The following ST6GALNAC5 variants were observed in gnomAD, a reference collection of about 807,000 sequenced individuals.
The protein encoded by ST6GALNAC5 is alpha-N-acetylgalactosaminide alpha-2,6-sialyltransferase 5.
In ST6GALNAC5, 27 loss-of-function variants were observed where a neutral mutation model predicts 33.6. The ratio of observed to expected loss-of-function variants is 0.80; its 90% confidence interval spans 0.59 to 1.11. The LOEUF (loss-of-function observed/expected upper bound fraction) is 1.11. ST6GALNAC5 is among the 50% of genes least tolerant of loss of function. ST6GALNAC5 has a pLI of 0.00. For synonymous variants in ST6GALNAC5, 194 were observed against 171.2 expected (o/e 1.13, Z -1.04); for missense variants, 428 against 454.0 (o/e 0.94, Z 0.52).
At chr1:76,911,055 T>A (rs777218510) in intron 2 of ST6GALNAC5, among the ~76,000 whole-genome samples, 5 of 152,112 alleles carry the variant, frequency 3.3e-5, no homozygotes, top group Non-Finnish European at 5.9e-5. Flanking sequence ...AGACAGAACA[T>A]ACACTCAGGA....
rs1196599258 is a variant in ST6GALNAC5 at position 76,938,693 on chromosome 1, G to T, written c.261+69951G>T. ...ATCTCTACTGTAGTAGTTTCTACCA[G>T]AAGACATCTACAGATAATGCAATTC... On this transcript the variant is annotated intron_variant, in intron 2 of 4. Transcript: ENST00000477717. Among the ~76,000 whole-genome samples, 6 of 152,066 alleles carry T rather than the reference G, an allele frequency of 3.9e-5. No homozygotes were observed. In the East Asian group the frequency reaches 1.2e-3, roughly 29 times the overall value.
intron 2 of ST6GALNAC5, among the ~76,000 whole-genome samples, chr1:76,910,931 G>A (rs887160992): frequency 6.6e-6 from 1 of 151,698 alleles, no homozygotes; most frequent in Non-Finnish European, 1.5e-5. Flanking sequence ...AATTGTAGAT[G>A]ATAAAAATGA....
intron 2 of ST6GALNAC5, among the ~76,000 whole-genome samples, chr1:76,935,282 G>C (rs1647189235): frequency 6.6e-6 from 1 of 152,176 alleles, no homozygotes; most frequent in Admixed American, 6.6e-5. Flanking sequence ...TAAAAGGAAA[G>C]TAATACAATG....
intron 2 of ST6GALNAC5, among the ~76,000 whole-genome samples, chr1:76,872,344 GA>G (rs1320146757): frequency 6.6e-6 from 1 of 152,108 alleles, no homozygotes; most frequent in Non-Finnish European, 1.5e-5. Flanking sequence ...GCCCTTTACT[GA>G]AATGGCTTAT....
chr1:76,930,596 G>A (rs1423708900), intron 2 of ST6GALNAC5, among the ~76,000 whole-genome samples: 1 of 152,102 alleles, frequency 6.6e-6, no homozygotes, highest in Non-Finnish European at 1.5e-5. Flanking sequence ...GGCTTTTTGG[G>A]AGAATGATTC....
intron 2 of ST6GALNAC5, among the ~76,000 whole-genome samples, chr1:76,926,235 A>T (rs1647084374): frequency 6.6e-6 from 1 of 152,236 alleles, no homozygotes; most frequent in African/African-American, 2.4e-5. Context: ...GAAGTCACTT[A>T]TAATTCCACT....
chr1:77,058,206 C>T (rs527963837), intron 4 of ST6GALNAC5, among the ~76,000 whole-genome samples: 1 of 152,296 alleles, frequency 6.6e-6, no homozygotes, highest in Admixed American at 6.5e-5. Flanking sequence ...ACCTTGGCTG[C>T]GAAACTTCAG....
At chr1:76,970,319 A>G (rs1006540486) in intron 2 of ST6GALNAC5, among the ~76,000 whole-genome samples, 2 of 151,946 alleles carry the variant, frequency 1.3e-5, no homozygotes, top group Non-Finnish European at 2.9e-5. Context: ...AAAAGATTAG[A>G]TGAATGGCTA....
intron 2 of ST6GALNAC5, among the ~76,000 whole-genome samples, chr1:77,024,106 T>C (rs1651149205): frequency 6.6e-6 from 1 of 152,194 alleles, no homozygotes; most frequent in Non-Finnish European, 1.5e-5. Flanking sequence ...GCTTGGGAGC[T>C]TCCCAGAAGC....
At chr1:77,057,222 G>T (rs1413007371) in intron 4 of ST6GALNAC5, among the ~76,000 whole-genome samples, 1 of 152,176 alleles carries the variant, frequency 6.6e-6, no homozygotes, top group Non-Finnish European at 1.5e-5. Context: ...GATATTTGCA[G>T]CCTTCTGCAT....
At chr1:76,929,999 G>C (rs1647124106) in intron 2 of ST6GALNAC5, among the ~76,000 whole-genome samples, 1 of 152,076 alleles carries the variant, frequency 6.6e-6, no homozygotes, top group African/African-American at 2.4e-5. Flanking sequence ...TCATATTTTT[G>C]TGGGATTACA....
chr1:76,979,697 C>T (rs140350551), intron 2 of ST6GALNAC5, among the ~76,000 whole-genome samples: 25 of 152,282 alleles, frequency 1.6e-4, no homozygotes, highest in Middle Eastern at 3.4e-3. Context: ...GAGGCCAAGG[C>T]GGGCAGATCA....
chr1:77,063,284 A>C lies in ST6GALNAC5; in HGVS notation c.*78A>C. 7.5e-7 allele frequency: 1 copy of C among 1,341,060 alleles called. No homozygotes were observed. The highest frequency in any genetic ancestry group is 1.1e-6 in the Non-Finnish European group (1 of 951,418). The allele number at this position is 1,341,060 out of a possible 1,614,324, so 83.1% of individuals were successfully genotyped here. A position where few individuals can be genotyped will look rare whatever the true frequency, so the allele number is the denominator to read the frequency against. On this transcript the variant is annotated 3_prime_UTR_variant, in exon 5 of 5. Transcript: ENST00000477717. ...GACACTGAACTTCCTGAGCCACCAG[A>C]CAGGAAAGGGTAGCAGAAAACAGCT...
At chr1:76,928,343 C>G (rs1647105038) in intron 2 of ST6GALNAC5, among the ~76,000 whole-genome samples, 1 of 152,090 alleles carries the variant, frequency 6.6e-6, no homozygotes, top group East Asian at 1.9e-4. Context: ...TTACGGTGTG[C>G]TGCACCAAAA....
In ST6GALNAC5 at chr1:77,057,905, AT is replaced by A. The variant is rs1652452935; in HGVS notation, c.780-5068del. ...CTTTAGAAGAGTCAAAAAGTGGAAC[AT>A]TACAAACCCCTGTTGCCATTAGCAC... On this transcript the variant is annotated intron_variant, in intron 4 of 4. Transcript: ENST00000477717. Among the ~76,000 whole-genome samples the A allele has an allele frequency of 2.0e-5, 3 of 152,200 alleles. 1 individual carries two copies. In the South Asian group the frequency reaches 6.2e-4, roughly 32 times the overall value.
At chr1:77,010,725 C>A (rs1395098419) in intron 2 of ST6GALNAC5, among the ~76,000 whole-genome samples, 1 of 152,106 alleles carries the variant, frequency 6.6e-6, no homozygotes, top group Non-Finnish European at 1.5e-5. Context: ...TCCAGGACAC[C>A]CCAACACTCT....
chr1:76,969,680 C>A (rs951940211), intron 2 of ST6GALNAC5, among the ~76,000 whole-genome samples: 1 of 152,182 alleles, frequency 6.6e-6, no homozygotes, highest in African/African-American at 2.4e-5. Context: ...CAGTGGTTCT[C>A]CCAGCATGGT....
intron 2 of ST6GALNAC5, among the ~76,000 whole-genome samples, chr1:76,910,395 T>C (rs1170767132): frequency 6.6e-6 from 1 of 151,934 alleles, no homozygotes; most frequent in African/African-American, 2.4e-5. Context: ...TTGAAAAAAA[T>C]AAAAGCGAAG....
intron 2 of ST6GALNAC5, among the ~76,000 whole-genome samples, chr1:76,906,063 G>C (rs1172264960): frequency 6.6e-6 from 1 of 152,154 alleles, no homozygotes; most frequent in Non-Finnish European, 1.5e-5. Flanking sequence ...TTCGGAGGAA[G>C]AAAAGCCATA....
Sources: allele counts gnomAD v4.1 joint callset (sites outside exome capture counted in the v4.1 genomes callset), GRCh38; gene constraint gnomAD v4.1.1; transcripts MANE v1.5; gene names NCBI Gene and HGNC (gene_info 2026-07-23, HGNC 2026-07-21).